The following DOCK9 variants were observed in gnomAD, a reference collection of about 807,000 sequenced individuals.
DOCK9 encodes dedicator of cytokinesis protein 9.
Under a neutral mutation model 263.3 loss-of-function variants are expected in DOCK9, and 89 were observed. That is an observed-to-expected ratio of 0.34 (90% CI 0.28 to 0.40). The LOEUF (loss-of-function observed/expected upper bound fraction) is 0.40, where lower values mean the gene tolerates loss of function less well. Among genes scored for constraint, DOCK9 ranks in the 10% least tolerant of loss-of-function variants. DOCK9 has a pLI of 1.00. For missense variants in DOCK9, 2,140 were observed against 2,603.4 expected (o/e 0.82, Z 3.87); for synonymous variants, 976 against 973.1 (o/e 1.00, Z -0.06).
At chr13:98,969,115 G>A (rs944184108) in intron 1 of DOCK9, among the ~76,000 whole-genome samples, 15 of 152,178 alleles carry the variant, frequency 9.9e-5, no homozygotes, top group African/African-American at 1.7e-4. Flanking sequence ...ACAGGAAGGG[G>A]TTTGACTCTG....
At chr13:99,021,638 CAAAAAAA>C (rs61660903) in intron 1 of DOCK9, among the ~76,000 whole-genome samples, 3 of 101,574 alleles carry the variant, frequency 3.0e-5, no homozygotes, top group Admixed American at 1.1e-4. Context: ...GACTCTGTCT[CAAAAAAA>C]AAAAAAAAAA....
chr13:99,066,140 T>C (rs1596023524), intron 1 of DOCK9, among the ~76,000 whole-genome samples: 1 of 152,220 alleles, frequency 6.6e-6, no homozygotes, highest in Admixed American at 6.5e-5. Context: ...CACATCTTTA[T>C]CTAAGAACCA....
rs544325293 is a variant in DOCK9 at position 98,969,806 on chromosome 13, C to A, written c.126+7978G>T. Reference sequence around the variant, plus strand: ...GAGCTGTGCCCAGGTGTGAAAGCACCCCAGGTGGAAGGAAGACTGGAAAGC... The same window carrying A: ...GAGCTGTGCCCAGGTGTGAAAGCACACCAGGTGGAAGGAAGACTGGAAAGC... On this transcript the variant is annotated intron_variant, in intron 1 of 52. Coordinates refer to ENST00000682017, the MANE Select transcript of DOCK9 (RefSeq NM_001366683.2). 2.6e-5 allele frequency among the ~76,000 whole-genome samples: 4 copies of A among 152,240 alleles called. No individual in the cohort carries two copies. In the South Asian group the frequency reaches 8.3e-4, roughly 32 times the overall value.
intron 27 of DOCK9, chr13:98,871,679 A>G (rs2094190454): frequency 6.6e-6 from 1 of 152,242 alleles, no homozygotes; most frequent in East Asian, 1.9e-4. Context: ...TGAGACACTA[A>G]GGGACTTCTC....
intron 1 of DOCK9, among the ~76,000 whole-genome samples, chr13:98,976,210 G>A (rs1369568433): frequency 6.6e-6 from 1 of 152,134 alleles, no homozygotes; most frequent in Non-Finnish European, 1.5e-5. Flanking sequence ...CAAGCTGCTG[G>A]GCCCTGACAA....
In DOCK9 at chr13:98,848,603, T is replaced by C. The variant is rs571217121; in HGVS notation, c.4050A>G (p.Arg1350=). The C allele has an allele frequency of 6.2e-7, 1 of 1,612,268 alleles. No individual in the cohort carries two copies. Among genetic ancestry groups the C allele is most frequent in the African/African-American group, 1.3e-5 (1 of 75,026 alleles). ...CLHQFQYMGK[R]YIARNQEGLG... Reference sequence around the variant, plus strand: ...ACGCCCCACAGTACCTGGCTATGTATCGCTTCCCCATGTACTGGAACTGGT... The same window carrying C: ...ACGCCCCACAGTACCTGGCTATGTACCGCTTCCCCATGTACTGGAACTGGT... Residue 1350 remains arginine, a synonymous_variant, in exon 37 of 53, where the codon CGA becomes CGG. Transcript: ENST00000682017.
At chr13:98,960,392 C>T (rs2058502206) in intron 1 of DOCK9, among the ~76,000 whole-genome samples, 1 of 152,188 alleles carries the variant, frequency 6.6e-6, no homozygotes, top group Admixed American at 6.5e-5. Flanking sequence ...AGAACATACA[C>T]ACTGGGTGAC....
At chr13:98,894,433 C>T (rs1379399996) in intron 15 of DOCK9, among the ~76,000 whole-genome samples, 3 of 152,046 alleles carry the variant, frequency 2.0e-5, no homozygotes, top group South Asian at 4.1e-4. Context: ...TAGATAGCTA[C>T]TTGCTTATCC....
intron 10 of DOCK9, 40 bp downstream of exon 10, chr13:98,904,592 A>T: frequency 7.1e-7 from 1 of 1,411,992 alleles, no homozygotes; most frequent in South Asian, 1.3e-5. Context: ...TTTCTCTCCC[A>T]CATTTGGTTT....
intron 1 of DOCK9, among the ~76,000 whole-genome samples, chr13:98,970,118 C>T (rs1340101376): frequency 1.3e-5 from 2 of 150,788 alleles, no homozygotes; most frequent in African/African-American, 4.9e-5. Context: ...CCTCATCTTC[C>T]CAAATAGCTA....
intron 15 of DOCK9, among the ~76,000 whole-genome samples, chr13:98,892,391 A>G (rs2046760535): frequency 6.6e-6 from 1 of 152,152 alleles, no homozygotes; most frequent in South Asian, 2.1e-4. Context: ...GCTCGTTAAA[A>G]TGATTAGCTG....
intron 38 of DOCK9, among the ~76,000 whole-genome samples, chr13:98,841,478 A>G (rs897072985): frequency 6.6e-6 from 1 of 152,238 alleles, no homozygotes; most frequent in African/African-American, 2.4e-5. Context: ...ATACCAATCA[A>G]TGACAGACTA....
At chr13:98,954,572 C>G (rs1025914835) in intron 2 of DOCK9, among the ~76,000 whole-genome samples, 1 of 152,188 alleles carries the variant, frequency 6.6e-6, no homozygotes, top group African/African-American at 2.4e-5. Flanking sequence ...ACATTTCTTC[C>G]AAGGAACAGC....
chr13:98,898,278 T>C lies in DOCK9; in HGVS notation c.1504-17A>G. On this transcript the variant is annotated splice_polypyrimidine_tract_variant and intron_variant, in intron 13 of 52. Transcript: ENST00000682017. ...CTGGGCCACCTTGAAGACATGAGAA[T>C]AAAGCTATGAGATACTGCATCTCAC... 6.2e-7 allele frequency: 1 copy of C among 1,600,616 alleles called. No homozygotes were observed. Among genetic ancestry groups the C allele is most frequent in the Non-Finnish European group, 8.5e-7 (1 of 1,170,766 alleles).
chr13:99,055,485 C>T (rs1014363614), intron 1 of DOCK9, among the ~76,000 whole-genome samples: 3 of 151,954 alleles, frequency 2.0e-5, no homozygotes, highest in South Asian at 2.1e-4. Flanking sequence ...GAAAGCGAGC[C>T]GGTGCTTAAC....
At chr13:98,871,004 C>T (rs2094171352) in intron 27 of DOCK9, among the ~76,000 whole-genome samples, 3 of 152,048 alleles carry the variant, frequency 2.0e-5, no homozygotes, top group African/African-American at 4.8e-5. Context: ...TGTTTAGATC[C>T]GGAAGCAGAC....
At chr13:98,803,286 G>A (rs2090327136) in intron 49 of DOCK9, among the ~76,000 whole-genome samples, 1 of 152,172 alleles carries the variant, frequency 6.6e-6, no homozygotes, top group African/African-American at 2.4e-5. Context: ...CTGTAACCCT[G>A]GAGAAATGTG....
rs770742213 is a variant in DOCK9, at chr13:98,853,542, G to A, written c.3832-20C>T. ...TTGGTGCTAAAAAGAAAATACAGGT[G>A]ATTTTTCTATTTAATTACGGGAGGA... On this transcript the variant is annotated intron_variant, in intron 34 of 52. Coordinates refer to ENST00000682017, the MANE Select transcript of DOCK9 (RefSeq NM_001366683.2). The A allele has an allele frequency of 1.3e-6, 2 of 1,536,608 alleles. No homozygotes were observed. The highest frequency in any genetic ancestry group is 2.3e-5 in the East Asian group (1 of 44,390).
chr13:99,009,721 C>T (rs1307035154), intron 1 of DOCK9, among the ~76,000 whole-genome samples: 1 of 151,966 alleles, frequency 6.6e-6, no homozygotes, highest in Admixed American at 6.6e-5. Context: ...CTTTCAGGGG[C>T]CAGAAAGCGT....
Sources: gnomAD v4.1 joint callset for allele counts (sites outside exome capture counted in the v4.1 genomes callset) on GRCh38, gnomAD v4.1.1 for gene constraint, MANE v1.5 for transcripts, NCBI Gene and HGNC (gene_info 2026-07-23, HGNC 2026-07-21) for gene names.